The following CYFIP2 variants were observed in gnomAD, a reference collection of about 807,000 sequenced individuals.
CYFIP2 encodes cytoplasmic FMR1 interacting protein 2, also known as cytoplasmic FMR1-interacting protein 2.
Under a neutral mutation model 158.7 loss-of-function variants are expected in CYFIP2, and 29 were observed. The ratio of observed to expected loss-of-function variants is 0.18; its 90% CI spans 0.14 to 0.25. The LOEUF (loss-of-function observed/expected upper bound fraction) is 0.25. Ranked by LOEUF, CYFIP2 falls within the 10% of genes least tolerant of loss-of-function variation. The pLI is 1.00. For missense variants in CYFIP2, 852 were observed against 1,639.5 expected (o/e 0.52, Z 8.29); for synonymous variants, 585 against 617.6 (o/e 0.95, Z 0.78).
In CYFIP2 at chr5:157,362,094, T is replaced by C. The variant is rs527665173; in HGVS notation, c.3039+496T>C. On this transcript the variant is annotated intron_variant, in intron 26 of 30. Coordinates refer to ENST00000620254, the MANE Select transcript of CYFIP2 (RefSeq NM_001037333.3). Reference sequence around the variant, plus strand: ...AAAGGGGCAGGCTATCGTCTTGAAGTGGGTGGGGGCTTATAGTCATAGGTA... The same window carrying C: ...AAAGGGGCAGGCTATCGTCTTGAAGCGGGTGGGGGCTTATAGTCATAGGTA... 2.0e-5 allele frequency among the ~76,000 whole-genome samples: 3 copies of C among 152,286 alleles called. No homozygotes were observed. In the South Asian group the frequency reaches 6.2e-4, roughly 32 times the overall value.
chr5:157,330,714 G>A (rs1761389268), intron 19 of CYFIP2, 28 bp from the exon 20 acceptor site: 2 of 1,578,286 alleles, frequency 1.3e-6, no homozygotes, highest in Non-Finnish European at 1.7e-6. Flanking sequence ...TCTGTTTACT[G>A]GCCTTGTTTC....
intron 23 of CYFIP2, chr5:157,343,398 T>G: frequency 6.2e-7 from 1 of 1,614,126 alleles, no homozygotes; most frequent in African/African-American, 1.3e-5. Flanking sequence ...TGGTGGAAGC[T>G]GTAGCGAAGA....
intron 1 of CYFIP2, among the ~76,000 whole-genome samples, chr5:157,272,453 A>G (rs927899003): frequency 1.3e-5 from 2 of 152,234 alleles, no homozygotes; most frequent in African/African-American, 4.8e-5. Flanking sequence ...TGTTTTAAAA[A>G]ATCAAATAGT....
Position 157,276,164 on chromosome 5 carries a change from C to T in CYFIP2, c.-23-9175C>T, listed in dbSNP as rs543412639. Reference sequence around the variant, plus strand: ...TAATTTTCTTGCATAATTACCTTGGCTAGAACTGCCAGTACAATGTTGAAT... The same window carrying T: ...TAATTTTCTTGCATAATTACCTTGGTTAGAACTGCCAGTACAATGTTGAAT... On this transcript the variant is annotated intron_variant, in intron 1 of 30. Transcript: ENST00000620254. 1.6e-3 allele frequency among the ~76,000 whole-genome samples: 240 copies of T among 152,242 alleles called. 2 individuals are homozygous for T. In the Middle Eastern group the frequency reaches 0.024, roughly 15 times the overall value.
intron 26 of CYFIP2, among the ~76,000 whole-genome samples, chr5:157,372,383 T>C (rs1031491006): frequency 6.6e-6 from 1 of 152,270 alleles, no homozygotes; most frequent in Admixed American, 6.5e-5. Flanking sequence ...AATGTTCATT[T>C]TGACTGTACA....
At chr5:157,317,806 C>G (rs1235282088) in intron 13 of CYFIP2, among the ~76,000 whole-genome samples, 11 of 152,126 alleles carry the variant, frequency 7.2e-5, no homozygotes, top group Non-Finnish European at 2.9e-5. Flanking sequence ...AAATGTAAAA[C>G]TCCTTACAAA....
chr5:157,343,625 C>A, intron 23 of CYFIP2: 1 of 1,123,500 alleles, frequency 8.9e-7, no homozygotes, highest in Non-Finnish European at 1.2e-6. Context: ...ATTTATTGCA[C>A]ATTTGAGACG....
At chr5:157,357,615 G>A (rs1190582887) in intron 23 of CYFIP2, among the ~76,000 whole-genome samples, 3 of 152,086 alleles carry the variant, frequency 2.0e-5, no homozygotes, top group African/African-American at 7.2e-5. Flanking sequence ...GATCACTTGA[G>A]GTCAGGAGTT....
intron 15 of CYFIP2, 49 bp from the exon 16 acceptor site, chr5:157,323,872 G>A (rs957083907): frequency 3.0e-5 from 43 of 1,456,148 alleles, no homozygotes; most frequent in East Asian, 7.5e-5. Flanking sequence ...CTTTTTCCCC[G>A]GGGTAGAGGG....
intron 26 of CYFIP2, among the ~76,000 whole-genome samples, chr5:157,374,610 T>A (rs1450036927): frequency 6.6e-6 from 1 of 152,176 alleles, no homozygotes; most frequent in East Asian, 1.9e-4. Flanking sequence ...TGCTTTGGTA[T>A]CTGGGCAGCA....
At position 157,329,870 on chromosome 5, in the gene CYFIP2, A is replaced by C. The variant is rs140685944; in HGVS notation, c.2157-872A>C. 2.5e-3 allele frequency among the ~76,000 whole-genome samples: 380 copies of C among 152,272 alleles called. 3 individuals are homozygous for C. Among genetic ancestry groups the C allele is most frequent in the African/African-American group, 8.9e-3 (371 of 41,544 alleles). On this transcript the variant is annotated intron_variant, in intron 19 of 30. Coordinates refer to ENST00000620254, the MANE Select transcript of CYFIP2 (RefSeq NM_001037333.3). Reference sequence around the variant, plus strand: ...TGCGTAAAACCTTTTGGTGCCTTTTAGTTATGTCTAGAATACACCTAGCCA... The same window carrying C: ...TGCGTAAAACCTTTTGGTGCCTTTTCGTTATGTCTAGAATACACCTAGCCA...
intron 23 of CYFIP2, among the ~76,000 whole-genome samples, chr5:157,346,939 C>T (rs1245573226): frequency 2.0e-5 from 3 of 152,190 alleles, no homozygotes; most frequent in East Asian, 3.8e-4. Context: ...TTTGAGGTTC[C>T]ATCCCTTCCT....
At chr5:157,366,011 A>C (rs1334358607) in intron 26 of CYFIP2, among the ~76,000 whole-genome samples, 2 of 152,018 alleles carry the variant, frequency 1.3e-5, no homozygotes, top group Non-Finnish European at 2.9e-5. Context: ...TCCTGTTTTT[A>C]TTAGGGAAAT....
At chr5:157,314,221 A>C in intron 11 of CYFIP2, 123 bp from the exon 12 acceptor site, 2 of 1,271,194 alleles carry the variant, frequency 1.6e-6, no homozygotes, top group Non-Finnish European at 2.1e-6. Flanking sequence ...TCTGAGCCTC[A>C]GTTTATCTGT....
chr5:157,380,941 G>A (rs1023206121), intron 26 of CYFIP2, among the ~76,000 whole-genome samples: 9 of 152,144 alleles, frequency 5.9e-5, no homozygotes, highest in African/African-American at 1.2e-4. Context: ...AGGGCCGTGC[G>A]CAGTGGCTCA....
chr5:157,364,214 T>TGGGGGGGGGGGGGGGGGGGG (rs1384793910), intron 26 of CYFIP2: 1 of 89,308 alleles, frequency 1.1e-5, no homozygotes, highest in Admixed American at 1.1e-4. Flanking sequence ...CGGGGGGGGG[T>TGGGGGGGGGGGGGGGGGGGG]GGGTCCCTGA....
chr5:157,338,137 G>A (rs139886160), intron 21 of CYFIP2, among the ~76,000 whole-genome samples: 53 of 152,340 alleles, frequency 3.5e-4, no homozygotes, highest in South Asian at 2.1e-3. Context: ...AGTCCAAAGC[G>A]TGTTGAAAGA....
intron 28 of CYFIP2, among the ~76,000 whole-genome samples, chr5:157,386,803 C>T (rs1012919290): frequency 6.6e-6 from 1 of 152,006 alleles, no homozygotes; most frequent in East Asian, 1.9e-4. Flanking sequence ...GCCTGTGATC[C>T]CAGATACTCA....
At position 157,389,184 on chromosome 5, in the gene CYFIP2, T is replaced by C. The variant is rs1301473550; in HGVS notation, c.3208-5T>C. ...TAGAAGGTGTATGTGCCCTTCTGTTTCCAGCAAATCGCCATTGCTCGCGAG... is the reference window on the plus strand; with the variant it reads ...TAGAAGGTGTATGTGCCCTTCTGTTCCCAGCAAATCGCCATTGCTCGCGAG... On this transcript the variant is annotated splice_polypyrimidine_tract_variant and splice_region_variant and intron_variant, in intron 28 of 30. Transcript: ENST00000620254. The C allele has an allele frequency of 2.5e-6, 4 of 1,604,172 alleles. No individual in the cohort carries two copies. The highest frequency in any genetic ancestry group is 3.4e-6 in the Non-Finnish European group (4 of 1,173,978).
Sources: gnomAD v4.1 joint callset for allele counts (sites outside exome capture counted in the v4.1 genomes callset) on GRCh38, gnomAD v4.1.1 for gene constraint, MANE v1.5 for transcripts, NCBI Gene and HGNC (gene_info 2026-07-23, HGNC 2026-07-21) for gene names.